The following SELENOO variants were observed in gnomAD, a reference collection of about 807,000 sequenced individuals.
SELENOO encodes protein adenylyltransferase SelO, mitochondrial.
A neutral mutation model predicts 58.7 loss-of-function variants in SELENOO; 74 were observed. That is an observed-to-expected ratio of 1.26 (90% confidence interval 1.04 to 1.53). SELENOO has a LOEUF of 1.53. SELENOO is among the 40% of genes most tolerant of loss of function. The pLI, the probability that SELENOO is intolerant of heterozygous loss-of-function variation, is 0.00. For missense variants in SELENOO, 1,149 were observed against 970.0 expected, an observed-to-expected ratio of 1.18 and a Z score of -2.45; for synonymous variants, 543 against 453.2, an observed-to-expected ratio of 1.20 and a Z score of -2.52.
chr22:50,211,355 C>T (rs575185393), intron 5 of SELENOO, among the ~76,000 whole-genome samples: 84 of 152,258 alleles, frequency 5.5e-4, no homozygotes, highest in African/African-American at 2.0e-3. Flanking sequence ...CTTTCAGTTC[C>T]GTGGGGTGTA....
In SELENOO at chr22:50,201,324, G is replaced by C. The variant is rs1318401925; in HGVS notation, c.288G>C (p.Val96=). ...QPTPLRQPRL[V]ALSEPALALL... is the part of the protein sequence containing the mutation. ...CCCCGCTGCGGCAGCCGCGCCTCGT[G>C]GCGCTGTCAGAGCCCGCGCTGGCGT... The change falls in exon 1 of 9, where the codon GTG becomes GTC. Residue 96 remains valine, a synonymous_variant. Coordinates refer to ENST00000380903, the MANE Select transcript of SELENOO (RefSeq NM_031454.2). 6.1e-6 allele frequency: 7 copies of C among 1,147,156 alleles called. No homozygotes were observed. Among genetic ancestry groups the C allele is most frequent in the African/African-American group, 1.6e-5 (1 of 60,724 alleles). 71.1% of individuals were successfully genotyped at this position (1,147,156 alleles called of 1,614,324 possible).
At chr22:50,206,220 G>A (rs752190539) in intron 1 of SELENOO, 97 bp from the exon 2 acceptor site, 20 of 1,084,822 alleles carry the variant, frequency 1.8e-5, no homozygotes, top group South Asian at 8.3e-5. Context: ...AGCTGCTCAC[G>A]TTACACGCGT....
chr22:50,201,382 G>A lies in SELENOO; in HGVS notation c.346G>A (p.Ala116Thr). Reference sequence around the variant, plus strand: ...CCTGGGCGCGCCGCCCGCGCGCGAGGCCGAGGCCGAGGCCGCGCTGTTCTT... The same window carrying A: ...CCTGGGCGCGCCGCCCGCGCGCGAGACCGAGGCCGAGGCCGCGCTGTTCTT... ...LGLGAPPARE[A>T]EAEAALFFSG... Residue 116 changes from alanine to threonine, a missense_variant, in exon 1 of 9, where the codon GCC (alanine) becomes ACC (threonine). Coordinates refer to ENST00000380903, the MANE Select transcript of SELENOO (RefSeq NM_031454.2). The A allele has an allele frequency of 8.0e-7, 1 of 1,248,476 alleles. No homozygotes were observed. Among genetic ancestry groups the A allele is most frequent in the African/African-American group, 1.6e-5 (1 of 63,236 alleles). The allele number at this position is 1,248,476 out of a possible 1,614,324, so 77.3% of individuals were successfully genotyped here.
rs376265751 is a variant in SELENOO at position 50,208,544 on chromosome 22, C to G, written c.767C>G (p.Ser256Cys). ...RVASTFIRFG[S>C]FEIFKSADEH... Reference sequence around the variant, plus strand: ...TCGGGTCTTCCCTCCAGGTTTGGATCCTTTGAGATTTTTAAGTCTGCAGAT... The same window carrying G: ...TCGGGTCTTCCCTCCAGGTTTGGATGCTTTGAGATTTTTAAGTCTGCAGAT... The change falls in exon 3 of 9, where the codon TCC becomes TGC. Residue 256 changes from serine to cysteine, a missense_variant. Transcript: ENST00000380903. 1.9e-6 allele frequency: 3 copies of G among 1,612,994 alleles called. No individual in the cohort carries two copies. In the Admixed American group the frequency reaches 5.0e-5, roughly 27 times the overall value.
In SELENOO at chr22:50,210,796, C is replaced by A; in HGVS notation, c.1236C>A (p.Ala412=). ...GEAILAEEFD[A]EFQRHYLQKM... ...CCATCCTGGCCGAGGAGTTTGACGC[C>A]GAGTTCCAAAGGCACTACCTGCAGA... is the stretch of plus-strand genomic sequence containing the variant. Residue 412 remains alanine (A), a synonymous_variant, in exon 5 of 9, where the codon GCC becomes GCA. Coordinates refer to ENST00000380903, the MANE Select transcript of SELENOO (RefSeq NM_031454.2). 1.9e-6 allele frequency: 3 copies of A among 1,613,986 alleles called. No homozygotes were observed. Among genetic ancestry groups the A allele is most frequent in the African/African-American group, 1.3e-5 (1 of 75,072 alleles).
At chr22:50,214,915 C>A (rs1602495992) in intron 5 of SELENOO, among the ~76,000 whole-genome samples, 1 of 152,232 alleles carries the variant, frequency 6.6e-6, no homozygotes, top group Non-Finnish European at 1.5e-5. Flanking sequence ...TGGAAATCGT[C>A]TTTTCACCCA....
At position 50,216,946 on chromosome 22, in the gene SELENOO, A is replaced by G; in HGVS notation, c.1689-26A>G. 1.9e-6 allele frequency: 3 copies of G among 1,604,450 alleles called. No individual in the cohort carries two copies. The South Asian group carries it at 3.3e-5, about 18-fold the overall frequency. ...CTGGAAAAAGTCCAGCCCGGCTGTG[A>G]CTCCAGAGCCCGGATGTCATTCCAG... On this transcript the variant is annotated intron_variant, in intron 7 of 8. Coordinates refer to ENST00000380903, the MANE Select transcript of SELENOO (RefSeq NM_031454.2).
At position 50,201,383 on chromosome 22, in the gene SELENOO, C is replaced by T. The variant is rs994402059; in HGVS notation, c.347C>T (p.Ala116Val). ...CTGGGCGCGCCGCCCGCGCGCGAGG[C>T]CGAGGCCGAGGCCGCGCTGTTCTTC... ...LGLGAPPARE[A>V]EAEAALFFSG... The change falls in exon 1 of 9, where the codon GCC (alanine) becomes GTC (valine). Residue 116 changes from alanine to valine, a missense_variant. Transcript: ENST00000380903. The T allele has an allele frequency of 4.0e-6, 5 of 1,251,374 alleles. No individual in the cohort carries two copies. The highest frequency in any genetic ancestry group is 5.0e-6 in the Non-Finnish European group (5 of 996,306). 77.5% of individuals were successfully genotyped at this position (1,251,374 alleles called of 1,614,324 possible). A position where few individuals can be genotyped will look rare whatever the true frequency, so the allele number is the denominator to read the frequency against.
intron 1 of SELENOO, among the ~76,000 whole-genome samples, chr22:50,202,949 T>C (rs763306274): frequency 1.3e-5 from 2 of 152,198 alleles, no homozygotes; most frequent in Non-Finnish European, 2.9e-5. Context: ...CATAAATAAA[T>C]GGAAACATCC....
In SELENOO at chr22:50,217,219, G is replaced by C. The variant is rs372830718; in HGVS notation, c.1860G>C (p.Leu620=). The change falls in exon 9 of 9, where the codon CTG becomes CTC. Residue 620 remains leucine, a synonymous_variant. Transcript: ENST00000380903. ...RGDFSEVRRV[L]KLLETPYHCE... ...TGATCCTCCAGGTGCGGCGGGTGCT[G>C]AAACTACTGGAGACCCCTTACCACT... The C allele has an allele frequency of 6.2e-7, 1 of 1,611,302 alleles. No individual in the cohort carries two copies. The highest frequency in any genetic ancestry group is 1.1e-5 in the South Asian group (1 of 91,000).
rs755468555 is a variant in SELENOO, at chr22:50,210,327, G to A, written c.1070+16G>A. The A allele has an allele frequency of 1.2e-6, 2 of 1,611,778 alleles. No individual in the cohort carries two copies. Among genetic ancestry groups the A allele is most frequent in the Non-Finnish European group, 1.7e-6 (2 of 1,179,560 alleles). ...TCCTGGACAGGTAAGTGGCCCTGGG[G>A]CCCAGCAAAGTGCAGGCCCCAGGGC... On this transcript the variant is annotated intron_variant, in intron 4 of 8. Coordinates refer to ENST00000380903, the MANE Select transcript of SELENOO (RefSeq NM_031454.2).
At chr22:50,213,117 G>C (rs970902657) in intron 5 of SELENOO, among the ~76,000 whole-genome samples, 1 of 152,202 alleles carries the variant, frequency 6.6e-6, no homozygotes, top group African/African-American at 2.4e-5. Context: ...CTGGAGTGCA[G>C]TGGCATGATC....
chr22:50,208,972 G>T (rs1194192007), intron 3 of SELENOO, among the ~76,000 whole-genome samples: 2 of 152,228 alleles, frequency 1.3e-5, no homozygotes, highest in Non-Finnish European at 2.9e-5. Context: ...GCCAGCTTGG[G>T]GCGGGGGTGC....
chr22:50,210,989 A>T, intron 5 of SELENOO, 78 bp downstream of exon 5: 4 of 1,520,010 alleles, frequency 2.6e-6, no homozygotes, highest in Non-Finnish European at 3.6e-6. Context: ...TCTGGCTTCC[A>T]GGTTCCAAGT....
At position 50,208,705 on chromosome 22, in the gene SELENOO, T is replaced by C. The variant is rs1275387529; in HGVS notation, c.928T>C (p.Phe310Leu). The C allele has an allele frequency of 1.2e-6, 2 of 1,612,338 alleles. No individual in the cohort carries two copies. The highest frequency in any genetic ancestry group is 2.2e-5 in the East Asian group (1 of 44,844). ...CGACAGCGTGCAGAGAAATGCTGCC[T>C]TCTTCCGGGAGGTCAGTGGGCCGCA... ...ASDSVQRNAAFFREVTRRTAR... is the reference protein window; with the variant it reads ...ASDSVQRNAALFREVTRRTAR... The change falls in exon 3 of 9, where the codon TTC becomes CTC. Residue 310 changes from phenylalanine to leucine, a missense_variant. Physicochemically the swap from Phe to Leu is conservative, Grantham distance 22 (BLOSUM62 0). Transcript: ENST00000380903.
intron 2 of SELENOO, among the ~76,000 whole-genome samples, chr22:50,208,147 A>G (rs887919767): frequency 6.6e-6 from 1 of 152,028 alleles, no homozygotes; most frequent in Non-Finnish European, 1.5e-5. Flanking sequence ...AGCAGCCACA[A>G]CAGGCCAGGC....
rs1170423268 is a variant in SELENOO at position 50,217,568 on chromosome 22, T to TA, written c.*199_*200insA. On this transcript the variant is annotated 3_prime_UTR_variant, in exon 9 of 9. Transcript: ENST00000380903. ...AGGCCGGCTCAGCAGTGCAGCCTGG[T>TA]CCCTGGGGGCTGGACCCAGGCTCCT... 28 of 939,098 alleles carry TA rather than the reference T, an allele frequency of 3.0e-5. No individual in the cohort carries two copies. Among genetic ancestry groups the TA allele is most frequent in the Non-Finnish European group, 6.3e-6 (4 of 636,472 alleles). 58.2% of individuals were successfully genotyped at this position (939,098 alleles called of 1,614,324 possible). A position where few individuals can be genotyped will look rare whatever the true frequency, so the allele number is the denominator to read the frequency against.
At chr22:50,206,891 C>CT (rs1435335548) in intron 2 of SELENOO, among the ~76,000 whole-genome samples, 4 of 124,546 alleles carry the variant, frequency 3.2e-5, no homozygotes, top group Admixed American at 1.6e-4. Context: ...CCTGGTGCTT[C>CT]TGGGGGGGAG....
intron 1 of SELENOO, among the ~76,000 whole-genome samples, chr22:50,202,271 T>G (rs1433295263): frequency 6.6e-6 from 1 of 152,128 alleles, no homozygotes; most frequent in Non-Finnish European, 1.5e-5. Flanking sequence ...ATCCGGCCCC[T>G]CCCTGTGCTC....
Sources: allele counts gnomAD v4.1 joint callset (sites outside exome capture counted in the v4.1 genomes callset), GRCh38; gene constraint gnomAD v4.1.1; transcripts MANE v1.5; gene names NCBI Gene and HGNC (gene_info 2026-07-23, HGNC 2026-07-21).